KANSL1: variants seen among roughly 807,000 people sequenced by gnomAD.
KANSL1 encodes the protein MLL1/MLL complex subunit KANSL1.
KANSL1 carries 22 observed loss-of-function variants against 103.6 expected under a neutral mutation model. The observed-to-expected ratio is 0.21, with a 90% CI of 0.15 to 0.30. The LOEUF is 0.30. KANSL1 is among the 10% of genes least tolerant of loss of function. The pLI, the probability that KANSL1 is intolerant of heterozygous loss-of-function variation, is 1.00. For missense variants in KANSL1, 1,337 were observed against 1,399.8 expected (o/e 0.96, Z 0.72); for synonymous variants, 600 against 527.6 (o/e 1.14, Z -1.88).
chr17:46,205,982 A>G (rs1052823248), intron 1 of KANSL1, among the ~76,000 whole-genome samples: 1 of 147,770 alleles, frequency 6.8e-6, no homozygotes, highest in Non-Finnish European at 1.5e-5. Context: ...GGGGCTGAGG[A>G]GGGAAGATCA....
At chr17:46,133,294 C>T (rs2043958986) in intron 2 of KANSL1, among the ~76,000 whole-genome samples, 1 of 152,232 alleles carries the variant, frequency 6.6e-6, no homozygotes, top group Non-Finnish European at 1.5e-5. Flanking sequence ...CAGACTTCCC[C>T]ACCCAAGGGC....
chr17:46,211,821 A>G (rs150196729), intron 1 of KANSL1, among the ~76,000 whole-genome samples: 1 of 152,388 alleles, frequency 6.6e-6, no homozygotes, highest in East Asian at 1.9e-4. Context: ...TTGTGTTACC[A>G]CAATCTACAA....
intron 4 of KANSL1, among the ~76,000 whole-genome samples, chr17:46,070,035 A>G (rs2078519389): frequency 6.6e-6 from 1 of 152,184 alleles, no homozygotes; most frequent in Admixed American, 6.5e-5. Context: ...TTCCCTTGGA[A>G]AGCAACACGG....
chr17:46,110,419 T>C (rs1163396554), intron 2 of KANSL1, among the ~76,000 whole-genome samples: 1 of 152,192 alleles, frequency 6.6e-6, no homozygotes, highest in Non-Finnish European at 1.5e-5. Flanking sequence ...GTGGGTATTA[T>C]GATCATCACT....
chr17:46,107,265 T>C (rs1187070388), intron 2 of KANSL1, among the ~76,000 whole-genome samples: 1 of 152,192 alleles, frequency 6.6e-6, no homozygotes, highest in Non-Finnish European at 1.5e-5. Context: ...ATTGCCCCAT[T>C]TCTCTATTTC....
At chr17:46,035,628 T>C (rs542626165) in intron 10 of KANSL1, 1 of 152,192 alleles carries the variant, frequency 6.6e-6, no homozygotes, top group Non-Finnish European at 1.5e-5. Flanking sequence ...AGTGATCTCA[T>C]ACCCAGAGAC....
At chr17:46,168,411 G>A (rs1012375347) in intron 2 of KANSL1, among the ~76,000 whole-genome samples, 1 of 151,840 alleles carries the variant, frequency 6.6e-6, no homozygotes, top group Admixed American at 6.5e-5. Flanking sequence ...GCAATGGTGC[G>A]ATCTCAGCTC....
chr17:46,104,239 T>C (rs1160366504), intron 2 of KANSL1, among the ~76,000 whole-genome samples: 1 of 152,226 alleles, frequency 6.6e-6, no homozygotes, highest in African/African-American at 2.4e-5. Context: ...ATGGTAAACA[T>C]ATACATATTA....
intron 2 of KANSL1, among the ~76,000 whole-genome samples, chr17:46,107,577 T>C: frequency 6.6e-6 from 1 of 152,246 alleles, no homozygotes; most frequent in Admixed American, 6.5e-5. Flanking sequence ...CTAAATCTTC[T>C]TTCCTATACT....
chr17:46,153,371 C>T (rs2045231800), intron 2 of KANSL1, among the ~76,000 whole-genome samples: 1 of 152,200 alleles, frequency 6.6e-6, no homozygotes, highest in Non-Finnish European at 1.5e-5. Context: ...TAAAATAGTA[C>T]ACTCTTATTA....
intron 4 of KANSL1, among the ~76,000 whole-genome samples, chr17:46,075,652 T>C (rs113896557): frequency 0.029 from 4,363 of 152,158 alleles, 220 homozygotes; most frequent in African/African-American, 0.1. Context: ...TTTAAAAGAA[T>C]GAAGAAAAAA....
chr17:46,082,740 C>G (rs950044343), intron 3 of KANSL1, among the ~76,000 whole-genome samples, 198 bp from the exon 4 acceptor site: 2 of 152,094 alleles, frequency 1.3e-5, no homozygotes, highest in Non-Finnish European at 2.9e-5. Flanking sequence ...CCAGGCTCCC[C>G]TCTCTGCCAC....
intron 2 of KANSL1, among the ~76,000 whole-genome samples, chr17:46,128,728 G>A (rs1323328128): frequency 6.6e-6 from 1 of 152,214 alleles, no homozygotes; most frequent in Non-Finnish European, 1.5e-5. Flanking sequence ...CTGGAGCACA[G>A]AGAGCCAAAA....
intron 2 of KANSL1, among the ~76,000 whole-genome samples, chr17:46,160,404 T>A (rs1037545194): frequency 6.6e-6 from 1 of 152,130 alleles, no homozygotes; most frequent in Non-Finnish European, 1.5e-5. Context: ...CTCAAAGCAA[T>A]CCTCCTACCT....
intron 2 of KANSL1, among the ~76,000 whole-genome samples, chr17:46,147,805 G>A (rs1393458544): frequency 6.6e-6 from 1 of 152,186 alleles, no homozygotes; most frequent in Non-Finnish European, 1.5e-5. Context: ...CTATATGACG[G>A]TATTTTCTCG....
At chr17:46,059,647 A>AGAGAGAG (rs149985527) in intron 6 of KANSL1, among the ~76,000 whole-genome samples, 2,806 of 54,546 alleles carry the variant, frequency 0.051, 58 homozygotes, top group Non-Finnish European at 0.079. Flanking sequence ...AAAAAAAAAA[A>AGAGAGAG]AGAGAGAGAG....
At chr17:46,097,229 A>C (rs1268744126) in intron 2 of KANSL1, among the ~76,000 whole-genome samples, 1 of 152,266 alleles carries the variant, frequency 6.6e-6, no homozygotes, top group East Asian at 1.9e-4. Context: ...CAACATGATT[A>C]AATCTAAGAA....
At chr17:46,061,387 G>A (rs2078152536) in intron 6 of KANSL1, among the ~76,000 whole-genome samples, 1 of 151,994 alleles carries the variant, frequency 6.6e-6, no homozygotes, top group African/African-American at 2.4e-5. Context: ...TTTAGGTTAA[G>A]TTATAAACAC....
At chr17:46,167,163 A>AT (rs1182047369) in intron 2 of KANSL1, among the ~76,000 whole-genome samples, 2 of 152,194 alleles carry the variant, frequency 1.3e-5, no homozygotes, top group Middle Eastern at 3.4e-3. Context: ...AAAAAATATT[A>AT]TTTTAACAAG....
Sources: gnomAD v4.1 joint callset for allele counts (sites outside exome capture counted in the v4.1 genomes callset) on GRCh38, gnomAD v4.1.1 for gene constraint, MANE v1.5 for transcripts, NCBI Gene and HGNC (gene_info 2026-07-23, HGNC 2026-07-21) for gene names.